ARL17A: variants seen among roughly 807,000 people sequenced by gnomAD.
ARL17A encodes the protein ARF like GTPase 17A.
chr17:46,541,250 T>A (rs2055253904), intron 3 of ARL17A, among the ~76,000 whole-genome samples: 1 of 150,568 alleles, frequency 6.6e-6, no homozygotes, highest in Non-Finnish European at 1.5e-5. Context: ...TCACAAAGCC[T>A]AATTTTTTTT....
chr17:46,530,481 C>G (rs1243117765), intron 4 of ARL17A, among the ~76,000 whole-genome samples: 1 of 131,272 alleles, frequency 7.6e-6, no homozygotes, highest in Admixed American at 8.2e-5. Context: ...CAAGGCAGGA[C>G]AAGCTGTGTG....
intron 3 of ARL17A, among the ~76,000 whole-genome samples, chr17:46,541,387 G>C (rs1397840089): frequency 2.3e-4 from 34 of 148,222 alleles, no homozygotes; most frequent in Non-Finnish European, 4.3e-4. Flanking sequence ...GAGTAGCTGG[G>C]ATTACAGGCG....
At chr17:46,529,522 T>C (rs2053342005) in intron 4 of ARL17A, among the ~76,000 whole-genome samples, 1 of 105,724 alleles carries the variant, frequency 9.5e-6, no homozygotes, top group Non-Finnish European at 2.2e-5. Flanking sequence ...CTAAAAACAC[T>C]CAAGGCTGGG....
chr17:46,517,350 G>A (rs1194830624), intron 3 of ARL17A: 2 of 461,210 alleles, frequency 4.3e-6, no homozygotes, highest in South Asian at 3.3e-5. Context: ...TATAAACTGT[G>A]TTTCTTCACA....
chr17:46,543,901 G>C (rs2055883156), intron 3 of ARL17A, among the ~76,000 whole-genome samples: 1 of 148,600 alleles, frequency 6.7e-6, no homozygotes, highest in African/African-American at 2.6e-5. Context: ...AGGGTTGCTT[G>C]TGCCCAGGAG....
In ARL17A at chr17:46,553,021, CT is replaced by C. The variant is rs2056945818; in HGVS notation, c.*4334del. Among the ~76,000 whole-genome samples the C allele has an allele frequency of 7.0e-6, 1 of 143,300 alleles. No homozygotes were observed. The highest frequency in any genetic ancestry group is 2.8e-5 in the African/African-American group (1 of 35,634). 94.0% of individuals were successfully genotyped at this position (143,300 alleles called of 152,430 possible). On this transcript the variant is annotated 3_prime_UTR_variant, in exon 4 of 4. Transcript: ENST00000336125. The stretch of plus-strand genomic sequence containing the variant: ...AGTGAGCTGTGATCGTGACACCGCA[CT>C]CCATCCTGAGTAACAGAGGATGACA...
intron 3 of ARL17A, among the ~76,000 whole-genome samples, chr17:46,519,123 A>AT (rs2051872419): frequency 1.5e-5 from 2 of 136,214 alleles, no homozygotes; most frequent in East Asian, 4.5e-4. Flanking sequence ...TGCTTTATTT[A>AT]TTTTTTCAGA....
intron 3 of ARL17A, among the ~76,000 whole-genome samples, chr17:46,541,077 ATG>A (rs2055223472): frequency 8.0e-6 from 1 of 124,782 alleles, no homozygotes; most frequent in Non-Finnish European, 1.6e-5. Flanking sequence ...AGCATTTCTG[ATG>A]CCTCAAAAAG....
intron 4 of ARL17A, among the ~76,000 whole-genome samples, chr17:46,530,519 T>A (rs1362380943): frequency 1.4e-5 from 1 of 70,804 alleles, no homozygotes; most frequent in Non-Finnish European, 2.9e-5. Context: ...TGACTCACTC[T>A]GATCTTGGTC....
At chr17:46,540,831 A>G (rs1276300827) in intron 3 of ARL17A, 1 of 955,058 alleles carries the variant, frequency 1.0e-6, no homozygotes, top group Admixed American at 2.3e-5. Context: ...CGCTAGTCCC[A>G]CTTACAACAC....
the ARL17A span, among the ~76,000 whole-genome samples, chr17:46,501,249 C>T: frequency 4.0e-5 from 6 of 151,036 alleles, no homozygotes; most frequent in East Asian, 1.2e-3. Flanking sequence ...GATCTTGGCT[C>T]ACTGCGACCT....
chr17:46,541,550 C>A (rs1332322776), intron 3 of ARL17A, among the ~76,000 whole-genome samples: 1 of 150,770 alleles, frequency 6.6e-6, no homozygotes, highest in East Asian at 1.9e-4. Context: ...CCTTGCCTGG[C>A]CTCACTCAGC....
chr17:46,545,412 A>G (rs2056142469), intron 3 of ARL17A, among the ~76,000 whole-genome samples: 1 of 121,208 alleles, frequency 8.3e-6, no homozygotes, highest in Non-Finnish European at 1.6e-5. Flanking sequence ...TAATTTTGCC[A>G]CTGTATTTCA....
intron 3 of ARL17A, among the ~76,000 whole-genome samples, chr17:46,543,768 GC>G (rs2055854908): frequency 6.6e-6 from 1 of 150,916 alleles, no homozygotes; most frequent in African/African-American, 2.5e-5. Flanking sequence ...ATGTTTCCCA[GC>G]CATCCTAAGG....
chr17:46,543,506 A>C (rs1461472642), intron 3 of ARL17A, among the ~76,000 whole-genome samples: 2 of 150,958 alleles, frequency 1.3e-5, no homozygotes, highest in African/African-American at 5.0e-5. Flanking sequence ...CGGACCGCAT[A>C]GTAGACAATG....
the ARL17A span, among the ~76,000 whole-genome samples, chr17:46,501,364 A>AC: frequency 6.6e-6 from 1 of 151,096 alleles, no homozygotes; most frequent in African/African-American, 2.5e-5. Flanking sequence ...TAGTAGAGAT[A>AC]GAGTTTCACC....
At chr17:46,569,004 G>A (rs988275864) in intron 3 of ARL17A, among the ~76,000 whole-genome samples, 3 of 122,100 alleles carry the variant, frequency 2.5e-5, no homozygotes, top group African/African-American at 6.6e-5. Flanking sequence ...GTGCAATGGC[G>A]CAATCTCGGC....
At chr17:46,503,227 T>A in the ARL17A span, among the ~76,000 whole-genome samples, 9,857 of 63,162 alleles carry the variant, frequency 0.16, 2,965 homozygotes, top group South Asian at 0.45. Flanking sequence ...AAAAAAAAAA[T>A]AGTCTTCATT....
chr17:46,545,911 G>A (rs1381672282), intron 3 of ARL17A, among the ~76,000 whole-genome samples: 2 of 149,436 alleles, frequency 1.3e-5, no homozygotes, highest in Non-Finnish European at 3.0e-5. Context: ...AGAAGTTGGG[G>A]GCTTATTCAG....
Sources: gnomAD v4.1 joint callset for allele counts (sites outside exome capture counted in the v4.1 genomes callset) on GRCh38, gnomAD v4.1.1 for gene constraint, MANE v1.5 for transcripts, NCBI Gene and HGNC (gene_info 2026-07-23, HGNC 2026-07-21) for gene names.